Variants in TMEM132C observed in about 807,000 individuals in gnomAD.
The protein encoded by TMEM132C is protein phosphatase 1, regulatory subunit 152.
Under a neutral mutation model 61.4 loss-of-function variants are expected in TMEM132C, and 29 were observed. The observed-to-expected ratio is 0.47, with a 90% CI of 0.35 to 0.64. The LOEUF (loss-of-function observed/expected upper bound fraction) is 0.64. Among genes scored for constraint, TMEM132C ranks in the 30% least tolerant of loss-of-function variants. The pLI is 0.00. For missense variants in TMEM132C, 1,408 were observed against 1,476.9 expected (o/e 0.95, Z 0.76); for synonymous variants, 656 against 633.1 (o/e 1.04, Z -0.54).
intron 1 of TMEM132C, among the ~76,000 whole-genome samples, chr12:128,331,391 G>A (rs1273505937): frequency 2.0e-5 from 3 of 152,250 alleles, no homozygotes; most frequent in Admixed American, 6.5e-5. Flanking sequence ...TCCAACATGC[G>A]AATAATGTAC....
chr12:128,460,010 C>T (rs1035464166), intron 2 of TMEM132C, among the ~76,000 whole-genome samples: 1 of 151,690 alleles, frequency 6.6e-6, no homozygotes, highest in African/African-American at 2.4e-5. Flanking sequence ...AGGGCAGAGT[C>T]TGGAGTCTCA....
chr12:128,503,476 C>T (rs1051855652), intron 2 of TMEM132C, among the ~76,000 whole-genome samples: 6 of 152,228 alleles, frequency 3.9e-5, no homozygotes, highest in African/African-American at 1.2e-4. Context: ...CTCAGTATAT[C>T]TATCTAAAGT....
At chr12:128,383,018 CTGTG>C (rs1169475440) in intron 1 of TMEM132C, among the ~76,000 whole-genome samples, 1 of 151,650 alleles carries the variant, frequency 6.6e-6, no homozygotes, top group Non-Finnish European at 1.5e-5. Flanking sequence ...GTCTGTGTAT[CTGTG>C]TGTATGCATG....
intron 5 of TMEM132C, among the ~76,000 whole-genome samples, chr12:128,683,835 G>T (rs181607316): frequency 6.6e-6 from 1 of 152,234 alleles, no homozygotes; most frequent in Admixed American, 6.5e-5. Context: ...GCATGGTGGT[G>T]GATGCCTGTC....
At chr12:128,276,879 T>C (rs1870708447) in intron 1 of TMEM132C, among the ~76,000 whole-genome samples, 1 of 115,212 alleles carries the variant, frequency 8.7e-6, no homozygotes, top group South Asian at 2.9e-4. Flanking sequence ...CATGTGTGCA[T>C]GCATGTGCGT....
At chr12:128,680,717 C>T (rs892708205) in intron 5 of TMEM132C, among the ~76,000 whole-genome samples, 8 of 152,166 alleles carry the variant, frequency 5.3e-5, no homozygotes, top group Non-Finnish European at 8.8e-5. Context: ...ATGGATAAAC[C>T]TTTTTTGGCC....
chr12:128,514,587 C>G (rs1359389787), intron 2 of TMEM132C, among the ~76,000 whole-genome samples: 1 of 152,124 alleles, frequency 6.6e-6, no homozygotes, highest in Non-Finnish European at 1.5e-5. Context: ...TGATTTGACC[C>G]CAGATGCAAA....
At chr12:128,486,300 A>G (rs572573120) in intron 2 of TMEM132C, among the ~76,000 whole-genome samples, 1 of 152,282 alleles carries the variant, frequency 6.6e-6, no homozygotes, top group African/African-American at 2.4e-5. Flanking sequence ...CATTCTCCAG[A>G]CATTCCTATC....
intron 3 of TMEM132C, among the ~76,000 whole-genome samples, chr12:128,565,139 G>A (rs982179166): frequency 4.6e-5 from 7 of 152,206 alleles, no homozygotes; most frequent in South Asian, 4.1e-4. Context: ...GGCAGAGCCC[G>A]CCTGGCAGAG....
intron 1 of TMEM132C, among the ~76,000 whole-genome samples, chr12:128,356,204 G>T (rs371852779): frequency 2.0e-5 from 3 of 152,190 alleles, no homozygotes; most frequent in Admixed American, 2.0e-4. Context: ...TATGGAAAAC[G>T]CACCTTTAAA....
At chr12:128,599,215 G>A (rs1876081991) in intron 3 of TMEM132C, among the ~76,000 whole-genome samples, 1 of 152,124 alleles carries the variant, frequency 6.6e-6, no homozygotes, top group African/African-American at 2.4e-5. Flanking sequence ...GACCCTGAAG[G>A]TGGAAGCATC....
At chr12:128,275,158 G>A (rs557880140) in intron 1 of TMEM132C, among the ~76,000 whole-genome samples, 6 of 152,252 alleles carry the variant, frequency 3.9e-5, no homozygotes, top group Admixed American at 6.5e-5. Flanking sequence ...TATAAGTCAG[G>A]GTTCCCCAAC....
chr12:128,687,992 C>A (rs1372564318), intron 5 of TMEM132C, among the ~76,000 whole-genome samples: 7 of 152,180 alleles, frequency 4.6e-5, no homozygotes, highest in Admixed American at 2.0e-4. Flanking sequence ...TTTGTGTGGA[C>A]CATCTGTTCC....
chr12:128,447,815 C>T (rs1033317564), intron 2 of TMEM132C, among the ~76,000 whole-genome samples: 1 of 104,626 alleles, frequency 9.6e-6, no homozygotes, highest in Non-Finnish European at 1.9e-5. Flanking sequence ...CAAGCTCCGC[C>T]TCCCGGGTTC....
chr12:128,526,323 G>C (rs1873085769), intron 2 of TMEM132C, among the ~76,000 whole-genome samples: 1 of 152,198 alleles, frequency 6.6e-6, no homozygotes, highest in Non-Finnish European at 1.5e-5. Flanking sequence ...TGCAGCTTTA[G>C]AGTCCAGTGA....
chr12:128,294,835 G>A (rs1352327932), intron 1 of TMEM132C, among the ~76,000 whole-genome samples: 3 of 152,096 alleles, frequency 2.0e-5, no homozygotes, highest in African/African-American at 7.2e-5. Context: ...CTGAAGAGGA[G>A]GATTTCAACA....
In TMEM132C at chr12:128,278,480, C is replaced by T. The variant is rs1025839572; in HGVS notation, c.85+10993C>T. On this transcript the variant is annotated intron_variant, in intron 1 of 8. Coordinates refer to ENST00000435159, the MANE Select transcript of TMEM132C (RefSeq NM_001136103.3). This position sits in a 1 kb window ranked among gnomAD's most constrained non-coding sequence, Gnocchi z 4.2. ...CTGCCTTCTCCTGGTCAGTTGTCTC[C>T]CTGGCCATGTCCTGGCCCTTGACCC... Among the ~76,000 whole-genome samples the T allele has an allele frequency of 1.3e-5, 2 of 152,106 alleles. No individual in the cohort carries two copies. Among genetic ancestry groups the T allele is most frequent in the Admixed American group, 6.5e-5 (1 of 15,272 alleles).
intron 3 of TMEM132C, among the ~76,000 whole-genome samples, chr12:128,545,292 G>C (rs1044513910): frequency 6.6e-6 from 1 of 152,200 alleles, no homozygotes; most frequent in Non-Finnish European, 1.5e-5. Context: ...TTGCTGCAAA[G>C]GGTATGATTT....
At chr12:128,665,578 T>C (rs1159591451) in intron 4 of TMEM132C, among the ~76,000 whole-genome samples, 1 of 116,640 alleles carries the variant, frequency 8.6e-6, no homozygotes. Context: ...CACAGGCATA[T>C]GCACCCATAT....
Sources: gnomAD v4.1 joint callset for allele counts (sites outside exome capture counted in the v4.1 genomes callset) on GRCh38, gnomAD v4.1.1 for gene constraint, Gnocchi (gnomAD v3.1) non-coding constraint, MANE v1.5 for transcripts, NCBI Gene and HGNC (gene_info 2026-07-23, HGNC 2026-07-21) for gene names.